ITLN1: variants seen among roughly 807,000 people sequenced by gnomAD.
The protein encoded by ITLN1 is intelectin 1.
Under a neutral mutation model 36.2 loss-of-function variants are expected in ITLN1, and 29 were observed. The ratio of observed to expected loss-of-function variants is 0.80; its 90% CI spans 0.60 to 1.09. ITLN1 has a LOEUF of 1.09. Among genes scored for constraint, ITLN1 ranks in the 50% least tolerant of loss-of-function variants. The probability of loss-of-function intolerance (pLI) is 0.00; values close to 1 mark genes in which losing one functional copy is unlikely to be tolerated. For synonymous variants in ITLN1, 143 were observed against 146.5 expected, an observed-to-expected ratio of 0.98 and a Z score of 0.17; for missense variants, 358 against 405.2, an observed-to-expected ratio of 0.88 and a Z score of 1.00.
At chr1:160,881,862 C>A in intron 4 of ITLN1, 95 bp downstream of exon 4, 1 of 1,574,058 alleles carries the variant, frequency 6.4e-7, no homozygotes, top group Admixed American at 1.7e-5. Context: ...CAGCCCATCC[C>A]ACACCCCTAC....
intron 4 of ITLN1, 174 bp from the exon 5 acceptor site, chr1:160,881,486 A>C: frequency 6.3e-5 from 40 of 636,686 alleles, no homozygotes; most frequent in Non-Finnish European, 9.3e-5. Context: ...CAGGGCCCTA[A>C]CAGCCTTGTT....
chr1:160,882,433 A>G (rs538700799), intron 3 of ITLN1: 1 of 448,206 alleles, frequency 2.2e-6, no homozygotes. Flanking sequence ...CATTTTTCAT[A>G]AAGTTAAACA....
At chr1:160,878,110 G>GC (rs1273194084) in intron 7 of ITLN1, among the ~76,000 whole-genome samples, 1 of 152,068 alleles carries the variant, frequency 6.6e-6, no homozygotes, top group Non-Finnish European at 1.5e-5. Flanking sequence ...AGAAGTTGTG[G>GC]CGAGCCTAGA....
At chr1:160,884,928 C>T (rs766340485) in intron 1 of ITLN1, 45 bp from the exon 2 acceptor site, 76 of 1,291,424 alleles carry the variant, frequency 5.9e-5, no homozygotes, top group Non-Finnish European at 8.2e-5. Flanking sequence ...CATCATTTTT[C>T]TCTACATCCC....
Position 160,879,305 on chromosome 1 carries a change from A to G in ITLN1, c.789+6T>C. 1 of 1,608,618 alleles carries G rather than the reference A, an allele frequency of 6.2e-7. No individual in the cohort carries two copies. Among genetic ancestry groups the G allele is most frequent in the Non-Finnish European group, 8.5e-7 (1 of 1,175,094 alleles). On this transcript the variant is annotated splice_donor_region_variant and intron_variant, in intron 7 of 7. Transcript: ENST00000326245. ...ACAGGTCCCTGCAGTCCCCACAGAG[A>G]CTCACGTGCTCAGTGTTACATCCGG... is the stretch of plus-strand genomic sequence containing the variant.
rs1670709107 is a variant in ITLN1 at position 160,883,369 on chromosome 1, C to T, written c.157+59G>A. On this transcript the variant is annotated intron_variant, in intron 3 of 7. Transcript: ENST00000326245. ...TTTTTAACTAAAAGACAAAAAGACT[C>T]CCAGAAGACACAATCCTGATACCCT... 7.7e-6 allele frequency: 9 copies of T among 1,166,702 alleles called. No homozygotes were observed. In the Admixed American group the frequency reaches 1.6e-4, roughly 21 times the overall value. 72.3% of individuals were successfully genotyped at this position (1,166,702 alleles called of 1,614,324 possible).
intron 7 of ITLN1, 125 bp from the exon 8 acceptor site, chr1:160,876,941 A>C: frequency 1.0e-6 from 1 of 984,506 alleles, no homozygotes; most frequent in Non-Finnish European, 1.5e-6. Flanking sequence ...GTGTTGATCT[A>C]TTCTTCCCAT....
intron 7 of ITLN1, among the ~76,000 whole-genome samples, chr1:160,878,478 C>T (rs1263219470): frequency 6.6e-6 from 1 of 151,656 alleles, no homozygotes; most frequent in African/African-American, 2.4e-5. Flanking sequence ...CTCCACCTCC[C>T]AGGCTTAAGC....
Position 160,881,986 on chromosome 1 carries a change from CA to C in ITLN1, c.375del (p.Ala126GlnfsTer42). 6.2e-7 allele frequency: 1 copy of C among 1,614,130 alleles called. No individual in the cohort carries two copies. Reference protein sequence around the residue: ...GNWANYNTFGSAEAATSDDYK... With the variant: ...GNWANYNTFGXAEAATSDDYK... ...TAGTCATCGCTCGTGGCCGCCTCTG[CA>C]GATCCAAAGGTGTTGTAGTTGGCCC... On this transcript the variant is annotated frameshift_variant, in exon 4 of 8. Transcript: ENST00000326245. LOFTEE classifies it high-confidence loss of function.
intron 6 of ITLN1, 72 bp downstream of exon 6, chr1:160,880,516 A>G: frequency 1.3e-6 from 2 of 1,517,238 alleles, no homozygotes; most frequent in Non-Finnish European, 1.8e-6. Flanking sequence ...AGTCCGATGC[A>G]TAACTGTTAC....
chr1:160,881,775 C>A lies in ITLN1; in HGVS notation c.405+182G>T, dbSNP rs1480948921. On this transcript the variant is annotated intron_variant, in intron 4 of 7. Transcript: ENST00000326245. ...CGAGATCACACCACTGCACTCCAAC[C>A]TGGGCAACAGAGTAAGACTCCGTCT... is the stretch of plus-strand genomic sequence containing the variant. Among the ~76,000 whole-genome samples the A allele has an allele frequency of 1.3e-5, 2 of 148,536 alleles. 1 individual carries two copies. The highest frequency in any genetic ancestry group is 4.3e-4 in the South Asian group (2 of 4,688).
At position 160,883,474 on chromosome 1, in the gene ITLN1, C is replaced by A. The variant is rs748570355; in HGVS notation, c.111G>T (p.Leu37=). 6.2e-7 allele frequency: 1 copy of A among 1,613,760 alleles called. No individual in the cohort carries two copies. The highest frequency in any genetic ancestry group is 8.5e-7 in the Non-Finnish European group (1 of 1,179,726). The part of the protein sequence containing the change: ...KEWTCSSSPS[L]PRSCKEIKDE... The stretch of plus-strand genomic sequence containing the variant: ...CTTTGATTTCCTTGCAGCTTCTGGG[C>A]AGAGATGGAGACGAAGAACAGGTCC... The change falls in exon 3 of 8, where the codon CTG becomes CTT. Residue 37 remains leucine, a synonymous_variant. Transcript: ENST00000326245.
intron 7 of ITLN1, among the ~76,000 whole-genome samples, chr1:160,878,301 C>T (rs1670623574): frequency 6.6e-6 from 1 of 152,124 alleles, no homozygotes; most frequent in African/African-American, 2.4e-5. Context: ...AGCCGCTATA[C>T]TTACGGTACA....
intron 4 of ITLN1, among the ~76,000 whole-genome samples, chr1:160,881,750 C>T (rs1214805325): frequency 1.4e-5 from 2 of 146,746 alleles, no homozygotes; most frequent in Non-Finnish European, 1.5e-5. Context: ...TGCTATGAGC[C>T]GAGATCACAC....
chr1:160,878,557 T>C (rs1351304387), intron 7 of ITLN1, among the ~76,000 whole-genome samples: 3 of 151,958 alleles, frequency 2.0e-5, no homozygotes, highest in Admixed American at 6.6e-5. Context: ...CGGCTAATTT[T>C]TGTATTTTTT....
chr1:160,881,816 AAAAAAAAAAG>A, intron 4 of ITLN1, 131 bp downstream of exon 4: 5 of 1,232,876 alleles, frequency 4.1e-6, no homozygotes, highest in Non-Finnish European at 5.6e-6. Context: ...AAAAAAAAAA[AAAAAAAAAAG>A]ATATAAGTAT....
intron 7 of ITLN1, among the ~76,000 whole-genome samples, chr1:160,878,601 G>T (rs1302119246): frequency 6.6e-6 from 1 of 151,976 alleles, no homozygotes; most frequent in Admixed American, 6.6e-5. Context: ...TCCCAGGCTG[G>T]TCTCAAACTC....
rs771225454 is a variant in ITLN1, at chr1:160,884,911, TC to T, written c.-6-29del. On this transcript the variant is annotated intron_variant, in intron 1 of 7. Coordinates refer to ENST00000326245, the MANE Select transcript of ITLN1 (RefSeq NM_017625.3). The stretch of plus-strand genomic sequence containing the variant: ...AAAGAAAGCAAGATGAAGGTCACCA[TC>T]TTGGCCATCATTTTTCTCTACATCC... 48 of 1,535,672 alleles carry T rather than the reference TC, an allele frequency of 3.1e-5. No individual in the cohort carries two copies. In the African/African-American group the frequency reaches 5.7e-4, roughly 18 times the overall value.
In ITLN1 at chr1:160,880,784, A is replaced by G. The variant is rs141795676; in HGVS notation, c.565-76T>C. 79 of 1,511,378 alleles carry G rather than the reference A, an allele frequency of 5.2e-5. No homozygotes were observed. In the African/African-American group the frequency reaches 9.4e-4, roughly 18 times the overall value. The allele number at this position is 1,511,378 out of a possible 1,614,324, so 93.6% of individuals were successfully genotyped here. A position where few individuals can be genotyped will look rare whatever the true frequency, so the allele number is the denominator to read the frequency against. On this transcript the variant is annotated intron_variant, in intron 5 of 7. Transcript: ENST00000326245. ...TACCAGCATCTCCTGGGATGCTGCC[A>G]TTCATAGAGGAGAAACAATGCTTTC... is the stretch of plus-strand genomic sequence containing the variant.
Sources: allele counts gnomAD v4.1 joint callset (sites outside exome capture counted in the v4.1 genomes callset), GRCh38; gene constraint gnomAD v4.1.1; transcripts MANE v1.5; gene names NCBI Gene and HGNC (gene_info 2026-07-23, HGNC 2026-07-21).